Variants in NCOA7 observed in about 807,000 individuals in gnomAD.
NCOA7 encodes 140 kDa estrogen receptor-associated protein.
NCOA7 carries 45 observed loss-of-function variants against 104.3 expected under a neutral mutation model. That is an observed-to-expected ratio of 0.43 (90% CI 0.34 to 0.55). The LOEUF is 0.55. Ranked by LOEUF, NCOA7 falls within the 20% of genes least tolerant of loss-of-function variation. The pLI is 0.02. For missense variants in NCOA7, 1,041 were observed against 1,119.7 expected (o/e 0.93, Z 1.00); for synonymous variants, 398 against 402.3 (o/e 0.99, Z 0.13).
intron 1 of NCOA7, among the ~76,000 whole-genome samples, chr6:125,806,929 ATATT>A (rs1049299140): frequency 2.6e-5 from 4 of 152,158 alleles, no homozygotes; most frequent in Admixed American, 6.6e-5. Context: ...AATGCTTTAC[ATATT>A]TATTTAGGTG....
intron 10 of NCOA7, among the ~76,000 whole-genome samples, chr6:125,909,666 CG>C (rs1422354385): frequency 2.0e-5 from 3 of 152,110 alleles, no homozygotes; most frequent in South Asian, 4.2e-4. Flanking sequence ...AAAAATTAGC[CG>C]GGAGTGGTGG....
chr6:125,910,286 T>C (rs1786409309), intron 10 of NCOA7, among the ~76,000 whole-genome samples: 1 of 152,186 alleles, frequency 6.6e-6, no homozygotes, highest in Non-Finnish European at 1.5e-5. Flanking sequence ...CATGCCTTTT[T>C]CTCTCAAGTC....
At chr6:125,880,799 T>C (rs1344953741) in intron 5 of NCOA7, among the ~76,000 whole-genome samples, 13 of 152,190 alleles carry the variant, frequency 8.5e-5, no homozygotes, top group Admixed American at 8.5e-4. Flanking sequence ...CCCAAAGTGC[T>C]GGGATTACAG....
intron 5 of NCOA7, 108 bp from the exon 6 acceptor site, chr6:125,880,982 G>A (rs1250777347): frequency 1.7e-5 from 13 of 744,114 alleles, no homozygotes; most frequent in Admixed American, 4.4e-5. Context: ...AACCTAGGTC[G>A]TAATCATGCA....
intron 1 of NCOA7, among the ~76,000 whole-genome samples, chr6:125,794,359 C>T (rs143875166): frequency 1.3e-5 from 2 of 152,122 alleles, no homozygotes; most frequent in African/African-American, 4.8e-5. Flanking sequence ...AACTTGGCAA[C>T]TAGGAAATGA....
intron 2 of NCOA7, among the ~76,000 whole-genome samples, chr6:125,816,994 A>G (rs1388273709): frequency 6.6e-6 from 1 of 152,250 alleles, no homozygotes; most frequent in Admixed American, 6.5e-5. Flanking sequence ...TACTAGGTGA[A>G]TGGAATCATA....
chr6:125,912,992 A>G lies in NCOA7; in HGVS notation c.2097-2341A>G, dbSNP rs368348618. On this transcript the variant is annotated intron_variant, in intron 10 of 15. Coordinates refer to ENST00000392477, the MANE Select transcript of NCOA7 (RefSeq NM_181782.5). ...CATATAAATGTATTACCTATTCCAA[A>G]TATTAAAATAATTTAAAGATAGATA... 7.2e-5 allele frequency among the ~76,000 whole-genome samples: 11 copies of G among 152,284 alleles called. No homozygotes were observed. The East Asian group carries it at 1.5e-3, about 21-fold the overall frequency.
intron 1 of NCOA7, among the ~76,000 whole-genome samples, chr6:125,794,785 T>C (rs1245922273): frequency 6.6e-6 from 1 of 152,246 alleles, no homozygotes; most frequent in Non-Finnish European, 1.5e-5. Context: ...AATTTGAAAT[T>C]AATAAAGCCA....
At chr6:125,928,131 C>A in intron 14 of NCOA7, 43 bp from the exon 15 acceptor site, 1 of 1,510,410 alleles carries the variant, frequency 6.6e-7, no homozygotes, top group Non-Finnish European at 9.2e-7. Context: ...GCTAATTCTC[C>A]AGATTAAAAT....
intron 2 of NCOA7, among the ~76,000 whole-genome samples, chr6:125,827,405 T>G (rs1778761847): frequency 6.6e-6 from 1 of 152,058 alleles, no homozygotes; most frequent in South Asian, 2.1e-4. Flanking sequence ...ACATGAGTTT[T>G]GGAGGGAACA....
intron 4 of NCOA7, among the ~76,000 whole-genome samples, chr6:125,877,484 G>A (rs1263620482): frequency 2.6e-5 from 4 of 152,158 alleles, no homozygotes; most frequent in African/African-American, 7.2e-5. Context: ...TGATCAGGGA[G>A]TTTGTCCTGG....
At chr6:125,790,791 G>C (rs931109593), upstream of NCOA7, 6 of 152,244 alleles carry the variant, frequency 3.9e-5, no homozygotes, top group African/African-American at 7.2e-5. Flanking sequence ...CAGCTGCGGG[G>C]CTGGCGAGGC....
At chr6:125,815,889 T>A (rs1486390561) in intron 2 of NCOA7, among the ~76,000 whole-genome samples, 1 of 152,222 alleles carries the variant, frequency 6.6e-6, no homozygotes, top group African/African-American at 2.4e-5. Context: ...AGGCTGGAAC[T>A]TGTCCAACAT....
intron 10 of NCOA7, among the ~76,000 whole-genome samples, chr6:125,898,117 A>G (rs376463512): frequency 2.6e-5 from 4 of 152,232 alleles, no homozygotes; most frequent in South Asian, 4.2e-4. Flanking sequence ...CTCTCTTTCT[A>G]TCTTCTTTTT....
chr6:125,811,964 A>G (rs1383359346), intron 1 of NCOA7, among the ~76,000 whole-genome samples: 1 of 152,216 alleles, frequency 6.6e-6, no homozygotes, highest in Non-Finnish European at 1.5e-5. Flanking sequence ...ACTGGAGTGT[A>G]TACCAGACTG....
intron 15 of NCOA7, 137 bp from the exon 16 acceptor site, chr6:125,928,499 A>G (rs1335819021): frequency 2.0e-6 from 2 of 992,798 alleles, no homozygotes; most frequent in Admixed American, 5.3e-5. Flanking sequence ...AATAAAGGAA[A>G]TGTATCCTGG....
intron 13 of NCOA7, among the ~76,000 whole-genome samples, chr6:125,924,310 G>A (rs1787836103): frequency 6.6e-6 from 1 of 152,204 alleles, no homozygotes; most frequent in Non-Finnish European, 1.5e-5. Flanking sequence ...AACTTCCTGT[G>A]CGATTTGTAA....
intron 1 of NCOA7, among the ~76,000 whole-genome samples, chr6:125,806,296 G>A (rs1305657057): frequency 2.0e-5 from 3 of 152,124 alleles, no homozygotes; most frequent in East Asian, 1.9e-4. Context: ...AGCCGAGATC[G>A]TGGCACTGCA....
chr6:125,811,841 A>G (rs984065536), intron 1 of NCOA7, among the ~76,000 whole-genome samples: 4 of 152,202 alleles, frequency 2.6e-5, no homozygotes, highest in Non-Finnish European at 5.9e-5. Context: ...GTGGCTAGGT[A>G]CATGTGCCTT....
Sources: allele counts gnomAD v4.1 joint callset (sites outside exome capture counted in the v4.1 genomes callset), GRCh38; gene constraint gnomAD v4.1.1; transcripts MANE v1.5; gene names NCBI Gene and HGNC (gene_info 2026-07-23, HGNC 2026-07-21).